Variants in TASOR2 observed in about 807,000 individuals in gnomAD.
TASOR2 encodes transcription activation suppressor family member 2.
In TASOR2, 84 loss-of-function variants were observed where a neutral mutation model predicts 199.5. The ratio of observed to expected loss-of-function variants is 0.42; its 90% CI spans 0.35 to 0.50. The LOEUF (loss-of-function observed/expected upper bound fraction) is 0.50, where lower values mean the gene tolerates loss of function less well. Among genes scored for constraint, TASOR2 ranks in the 20% least tolerant of loss-of-function variants. The pLI, the probability that TASOR2 is intolerant of heterozygous loss-of-function variation, is 0.02. For synonymous variants in TASOR2, 1,103 were observed against 1,046.6 expected (o/e 1.05, Z -1.04); for missense variants, 2,796 against 2,835.9 (o/e 0.99, Z 0.32).
At position 5,754,898 on chromosome 10, in the gene TASOR2, T is replaced by G. The variant is rs897513826; in HGVS notation, c.6607-1715T>G. ...CTCTACTAAAAATACAAAAAGAAAT[T>G]AGCTGGGCGTGGTGGCGGGTGCCTG... On this transcript the variant is annotated intron_variant, in intron 15 of 20. Coordinates refer to ENST00000328090, the Ensembl canonical transcript of TASOR2. The surrounding 1 kb of genome is among the most constrained non-coding windows in gnomAD (Gnocchi z 4.3). 1.3e-5 allele frequency among the ~76,000 whole-genome samples: 2 copies of G among 151,264 alleles called. No individual in the cohort carries two copies. Among genetic ancestry groups the G allele is most frequent in the African/African-American group, 4.9e-5 (2 of 41,140 alleles).
rs1001054075 is a variant in TASOR2, at chr10:5,762,776, T to G, written c.7289+130T>G. On this transcript the variant is annotated intron_variant, in intron 20 of 20. Coordinates refer to ENST00000328090, the Ensembl canonical transcript of TASOR2. ...ACTTCATGCTATAAATTTAAAGTGT[T>G]TGTTTAGGGGTGGAATTGCTATTTG... is the stretch of plus-strand genomic sequence containing the variant. 9 of 684,006 alleles carry G rather than the reference T, an allele frequency of 1.3e-5. No individual in the cohort carries two copies. The African/African-American group carries it at 1.7e-4, about 13-fold the overall frequency. 42.4% of individuals were successfully genotyped at this position (684,006 alleles called of 1,614,324 possible).
chr10:5,708,990 C>T (rs1831570861), intron 1 of TASOR2, among the ~76,000 whole-genome samples: 1 of 152,162 alleles, frequency 6.6e-6, no homozygotes. Context: ...GCATGAGCCA[C>T]CTCGCCCAGC....
At chr10:5,694,195 AAGTC>A (rs1836856083) in intron 1 of TASOR2, among the ~76,000 whole-genome samples, 1 of 152,194 alleles carries the variant, frequency 6.6e-6, no homozygotes, top group Non-Finnish European at 1.5e-5. Context: ...ACTCAGTAGT[AAGTC>A]AGGGAAAAGT....
chr10:5,735,206 G>A (rs1835401658), intron 11 of TASOR2, 98 bp from the exon 13 acceptor site: 1 of 1,425,318 alleles, frequency 7.0e-7, no homozygotes, highest in Non-Finnish European at 9.5e-7. Context: ...TAAAGTTACT[G>A]TCCCCAAAAT....
intron 10 of TASOR2, among the ~76,000 whole-genome samples, chr10:5,729,345 TAAAAC>T (rs1220919542): frequency 2.7e-5 from 4 of 147,618 alleles, no homozygotes; most frequent in Admixed American, 6.8e-5. Flanking sequence ...AAGACTGAGT[TAAAAC>T]AAAACAAAAC....
At position 5,746,216 on chromosome 10, in the gene TASOR2, C is replaced by CT; in HGVS notation, c.2797dup (p.Ser933PhefsTer2). 6.2e-7 allele frequency: 1 copy of CT among 1,606,244 alleles called. No individual in the cohort carries two copies. Among genetic ancestry groups the CT allele is most frequent in the Non-Finnish European group, 8.5e-7 (1 of 1,176,196 alleles). On this transcript the variant is annotated frameshift_variant, in exon 15 of 21. Transcript: ENST00000328090. LOFTEE classifies it high-confidence loss of function. The stretch of plus-strand genomic sequence containing the variant: ...GAAGCTAAACAAGAATCATTGGAGA[C>CT]TTCTAATCTTGTGCTTTCGGGTATT...
At chr10:5,732,644 A>G (rs572741738) in intron 11 of TASOR2, among the ~76,000 whole-genome samples, 1 of 152,316 alleles carries the variant, frequency 6.6e-6, no homozygotes, top group Non-Finnish European at 1.5e-5. Flanking sequence ...TGCAGTCTCA[A>G]ACTCCTGGGC....
Position 5,750,653 on chromosome 10 carries a change from AG to A in TASOR2, c.6606+628del, listed in dbSNP as rs1249024446. The stretch of plus-strand genomic sequence containing the variant: ...TGTTTTTAATTTCAAATTTACATAA[AG>A]GTTGCAGAAATAGTACCCTTTACCC... On this transcript the variant is annotated intron_variant, in intron 15 of 20. Transcript: ENST00000328090. The surrounding 1 kb of genome is among the most constrained non-coding windows in gnomAD (Gnocchi z 5.4). Among the ~76,000 whole-genome samples the A allele has an allele frequency of 1.3e-5, 2 of 152,248 alleles. No individual in the cohort carries two copies. The highest frequency in any genetic ancestry group is 2.9e-5 in the Non-Finnish European group (2 of 68,036).
rs1409632326 is a variant in TASOR2, at chr10:5,750,736, TC to T, written c.6606+712del. On this transcript the variant is annotated intron_variant, in intron 15 of 20. Coordinates refer to ENST00000328090, the Ensembl canonical transcript of TASOR2. The surrounding 1 kb of genome is among the most constrained non-coding windows in gnomAD (Gnocchi z 5.4). ...TTGCAAATGTGTTGCACACACAGTG[TC>T]CCATTACCTCTTGATACTTAAATGT... Among the ~76,000 whole-genome samples, 1 of 152,112 alleles carries T rather than the reference TC, an allele frequency of 6.6e-6. No homozygotes were observed. The highest frequency in any genetic ancestry group is 1.5e-5 in the Non-Finnish European group (1 of 68,042).
chr10:5,718,232 G>A (rs893483508), intron 3 of TASOR2, among the ~76,000 whole-genome samples: 1 of 151,770 alleles, frequency 6.6e-6, no homozygotes, highest in Admixed American at 6.6e-5. Flanking sequence ...TAAGTGAATC[G>A]TGCAATTAGA....
At chr10:5,760,166 CTG>C in intron 18 of TASOR2, among the ~76,000 whole-genome samples, 1 of 152,282 alleles carries the variant, frequency 6.6e-6, no homozygotes, top group East Asian at 1.9e-4. Context: ...GTACATGTGA[CTG>C]TACTGAATAC....
At chr10:5,757,750 C>T (rs1839172730) in intron 17 of TASOR2, 77 bp downstream of exon 18, 1 of 1,479,954 alleles carries the variant, frequency 6.8e-7, no homozygotes, top group Admixed American at 1.9e-5. Flanking sequence ...ACTGTTTCAT[C>T]CAAAAGAAAT....
intron 3 of TASOR2, among the ~76,000 whole-genome samples, chr10:5,718,667 G>A (rs1027100956): frequency 6.6e-6 from 1 of 151,686 alleles, no homozygotes; most frequent in Non-Finnish European, 1.5e-5. Flanking sequence ...GCTGAGGCAG[G>A]AGAATCACTT....
At chr10:5,758,906 C>A (rs1424317180) in exon 18 of TASOR2, 1 of 1,613,164 alleles carries the variant, frequency 6.2e-7, no homozygotes, top group South Asian at 1.1e-5. Flanking sequence ...AGGAAATTAT[C>A]AAAATCCTGG....
At chr10:5,708,961 C>T (rs537330077) in intron 1 of TASOR2, among the ~76,000 whole-genome samples, 4 of 152,198 alleles carry the variant, frequency 2.6e-5, no homozygotes, top group South Asian at 2.1e-4. Context: ...CTTAGCTTCC[C>T]GGCGTGCTGG....
At chr10:5,711,282 T>C (rs1831871623) in intron 1 of TASOR2, among the ~76,000 whole-genome samples, 1 of 152,160 alleles carries the variant, frequency 6.6e-6, no homozygotes, top group Admixed American at 6.5e-5. Flanking sequence ...TGAGATAGTC[T>C]AGTTTTTGTA....
intron 1 of TASOR2, among the ~76,000 whole-genome samples, chr10:5,688,395 A>ATTTTTTTTTTT (rs34362647): frequency 1.1e-4 from 11 of 99,892 alleles, no homozygotes; most frequent in Non-Finnish European, 1.5e-4. Context: ...CTAATTTTTA[A>ATTTTTTTTTTT]TTTTTTTTTT....
chr10:5,757,555 T>C (rs751444217), exon 17 of TASOR2: 3 of 1,611,384 alleles, frequency 1.9e-6, no homozygotes, highest in African/African-American at 1.3e-5. Context: ...ATTTCCCCAG[T>C]GTCATCTTTG....
intron 1 of TASOR2, among the ~76,000 whole-genome samples, chr10:5,693,633 AG>A (rs1490983031): frequency 6.6e-5 from 10 of 152,226 alleles, no homozygotes; most frequent in African/African-American, 2.4e-4. Context: ...TCCCTGGAGG[AG>A]GGGGGAACCC....
Sources: allele counts gnomAD v4.1 joint callset (sites outside exome capture counted in the v4.1 genomes callset), GRCh38; gene constraint gnomAD v4.1.1; non-coding constraint Gnocchi (gnomAD v3.1); transcripts MANE v1.5; gene names NCBI Gene and HGNC (gene_info 2026-07-23, HGNC 2026-07-21).